Variants in ANKFN1 observed in about 807,000 individuals in gnomAD.
The protein encoded by ANKFN1 is ankyrin repeat and fibronectin type III domain containing 1, also known as ankyrin repeat and fibronectin type-III domain-containing protein 1.
In ANKFN1, 74 loss-of-function variants were observed where a neutral mutation model predicts 108.7. The observed-to-expected ratio is 0.68, with a 90% confidence interval of 0.56 to 0.83. ANKFN1 has a LOEUF of 0.83. Among genes scored for constraint, ANKFN1 ranks in the 40% least tolerant of loss-of-function variants. ANKFN1 has a pLI of 0.00. For missense variants in ANKFN1, 1,505 were observed against 1,382.3 expected, an observed-to-expected ratio of 1.09 and a Z score of -1.41; for synonymous variants, 547 against 516.2, an observed-to-expected ratio of 1.06 and a Z score of -0.81.
intron 3 of ANKFN1, among the ~76,000 whole-genome samples, chr17:56,310,486 A>G (rs967163578): frequency 4.1e-4 from 62 of 152,030 alleles, no homozygotes; most frequent in African/African-American, 1.4e-3. Context: ...ATGTGGTGGC[A>G]GGTGCCTGTA....
At chr17:56,143,197 G>A (rs924967247) in intron 4 of ANKFN1, among the ~76,000 whole-genome samples, 3 of 152,168 alleles carry the variant, frequency 2.0e-5, no homozygotes, top group Non-Finnish European at 4.4e-5. Flanking sequence ...GTAGGCTAGA[G>A]GCTGCACTGT....
At chr17:56,441,189 T>G (rs1331530575) in intron 9 of ANKFN1, among the ~76,000 whole-genome samples, 5 of 152,212 alleles carry the variant, frequency 3.3e-5, no homozygotes, top group Non-Finnish European at 5.9e-5. Context: ...ATTTTAAAAG[T>G]AAAATTAAAT....
At chr17:56,409,748 T>C (rs1303932214) in intron 8 of ANKFN1, among the ~76,000 whole-genome samples, 1 of 152,184 alleles carries the variant, frequency 6.6e-6, no homozygotes, top group Non-Finnish European at 1.5e-5. Flanking sequence ...AGCTTTTTTC[T>C]AAAATGTTAG....
At chr17:56,369,115 A>AC (rs2046742685) in intron 6 of ANKFN1, among the ~76,000 whole-genome samples, 1 of 152,216 alleles carries the variant, frequency 6.6e-6, no homozygotes, top group Admixed American at 6.5e-5. Context: ...ACCTTTCTTT[A>AC]GCATGCTACA....
intron 6 of ANKFN1, among the ~76,000 whole-genome samples, chr17:56,355,945 C>T (rs1307619331): frequency 6.6e-6 from 1 of 152,154 alleles, no homozygotes; most frequent in Non-Finnish European, 1.5e-5. Context: ...TATCACTCCC[C>T]AATCTCCCCA....
At chr17:56,197,846 C>T (rs772532786) in intron 1 of ANKFN1, among the ~76,000 whole-genome samples, 8 of 152,172 alleles carry the variant, frequency 5.3e-5, no homozygotes, top group Non-Finnish European at 7.3e-5. Context: ...TTTCCATGCA[C>T]AGGGGTGTGG....
chr17:56,508,555 G>A (rs926711953), intron 20 of ANKFN1, among the ~76,000 whole-genome samples: 2 of 151,944 alleles, frequency 1.3e-5, no homozygotes, highest in African/African-American at 4.8e-5. Context: ...CTTATCGTTT[G>A]TATATTTACT....
intron 4 of ANKFN1, among the ~76,000 whole-genome samples, chr17:56,050,138 G>A (rs1483499522): frequency 6.6e-6 from 1 of 151,576 alleles, no homozygotes. Flanking sequence ...TTCTCTGGTG[G>A]CCAGTGATGA....
chr17:56,408,124 AG>A (rs1431578632), intron 8 of ANKFN1, among the ~76,000 whole-genome samples: 1 of 151,820 alleles, frequency 6.6e-6, no homozygotes, highest in Non-Finnish European at 1.5e-5. Flanking sequence ...TAATAGAGAC[AG>A]GGTTTCACCA....
At chr17:56,207,569 G>C (rs965375556) in intron 1 of ANKFN1, among the ~76,000 whole-genome samples, 6 of 152,102 alleles carry the variant, frequency 3.9e-5, no homozygotes, top group African/African-American at 1.4e-4. Context: ...ATTCATCTCT[G>C]CCACCTTCAT....
intron 19 of ANKFN1, among the ~76,000 whole-genome samples, chr17:56,497,067 G>C (rs775278891): frequency 6.6e-6 from 1 of 152,006 alleles, no homozygotes; most frequent in Non-Finnish European, 1.5e-5. Flanking sequence ...CCCTGTCCTT[G>C]TCGGGCACTC....
chr17:56,081,933 T>C (rs1202539598), intron 4 of ANKFN1, among the ~76,000 whole-genome samples: 2 of 152,206 alleles, frequency 1.3e-5, no homozygotes, highest in African/African-American at 2.4e-5. Context: ...CGCACCGAAC[T>C]CCTGAGATCT....
At chr17:56,308,036 A>G (rs1182888678) in intron 3 of ANKFN1, among the ~76,000 whole-genome samples, 12 of 152,186 alleles carry the variant, frequency 7.9e-5, no homozygotes, top group Admixed American at 6.5e-4. Context: ...GAATTGAACA[A>G]TGAGAACACA....
At position 56,316,037 on chromosome 17, in the gene ANKFN1, C is replaced by T. The variant is rs77723211; in HGVS notation, c.54-10184C>T. ...TTGCTGCTATATGCCTTAGGTCAGA[C>T]GCTCCTGACATTTGTACAGCAAACT... is the stretch of plus-strand genomic sequence containing the variant. On this transcript the variant is annotated intron_variant, in intron 3 of 20. Coordinates refer to ENST00000682825, the MANE Select transcript of ANKFN1 (RefSeq NM_001370326.1). 4.0e-4 allele frequency among the ~76,000 whole-genome samples: 61 copies of T among 152,246 alleles called. 1 individual carries two copies. In the East Asian group the frequency reaches 9.3e-3, roughly 23 times the overall value.
chr17:56,368,204 C>A, intron 6 of ANKFN1: 1 of 1,230,074 alleles, frequency 8.1e-7, no homozygotes, highest in Non-Finnish European at 1.1e-6. Flanking sequence ...ACACAAATTA[C>A]AAAAGTCTGA....
intron 3 of ANKFN1, among the ~76,000 whole-genome samples, chr17:56,305,311 G>A (rs1364813114): frequency 6.6e-6 from 1 of 152,184 alleles, no homozygotes; most frequent in Non-Finnish European, 1.5e-5. Flanking sequence ...TGAAATTTGA[G>A]TGGAGGCACA....
intron 3 of ANKFN1, among the ~76,000 whole-genome samples, chr17:56,323,029 G>A (rs1041679328): frequency 6.6e-6 from 1 of 152,142 alleles, no homozygotes; most frequent in South Asian, 2.1e-4. Context: ...GGAGAAAGAT[G>A]CAAAATAAAA....
intron 4 of ANKFN1, among the ~76,000 whole-genome samples, chr17:56,081,001 G>A (rs1287828940): frequency 1.3e-5 from 2 of 152,176 alleles, no homozygotes; most frequent in Non-Finnish European, 2.9e-5. Flanking sequence ...GGGTTGAGGG[G>A]CAACTCACAT....
chr17:56,098,925 G>A (rs1056960244), intron 4 of ANKFN1, among the ~76,000 whole-genome samples: 4 of 152,084 alleles, frequency 2.6e-5, no homozygotes, highest in Admixed American at 2.6e-4. Context: ...CAATGTCTTT[G>A]CGGTTACATC....
Sources: allele counts gnomAD v4.1 joint callset (sites outside exome capture counted in the v4.1 genomes callset), GRCh38; gene constraint gnomAD v4.1.1; transcripts MANE v1.5; gene names NCBI Gene and HGNC (gene_info 2026-07-23, HGNC 2026-07-21).